Variants in KDM2B observed in about 807,000 individuals in gnomAD.
KDM2B encodes lysine demethylase 2B.
Under a neutral mutation model 150.0 loss-of-function variants are expected in KDM2B, and 26 were observed. The observed-to-expected ratio is 0.17, with a 90% confidence interval of 0.13 to 0.24. The LOEUF (loss-of-function observed/expected upper bound fraction) is 0.24. Among genes scored for constraint, KDM2B ranks in the 10% least tolerant of loss-of-function variants. The pLI, the probability that KDM2B is intolerant of heterozygous loss-of-function variation, is 1.00. For synonymous variants in KDM2B, 734 were observed against 729.5 expected (o/e 1.01, Z -0.10); for missense variants, 1,265 against 1,816.9 (o/e 0.70, Z 5.52).
rs1217147938 is a variant in KDM2B, at chr12:121,520,792, G to A, written c.1047+193C>T. Among the ~76,000 whole-genome samples the A allele has an allele frequency of 2.0e-5, 3 of 152,034 alleles. No individual in the cohort carries two copies. Among genetic ancestry groups the A allele is most frequent in the African/African-American group, 4.8e-5 (2 of 41,382 alleles). ...GGTGAACAGAAACTCCAGGGCCTCC[G>A]GGTGTGGCTCCTACAGGCATTCCCC... is the stretch of plus-strand genomic sequence containing the variant. On this transcript the variant is annotated intron_variant, in intron 9 of 22. Transcript: ENST00000377071. This position sits in a 1 kb window ranked among gnomAD's most constrained non-coding sequence, Gnocchi z 4.5.
chr12:121,580,935 C>G lies in KDM2B; in HGVS notation c.-24G>C, dbSNP rs782083431. On this transcript the variant is annotated 5_prime_UTR_variant, in exon 1 of 23. An upstream open reading frame in the 5' UTR loses its in-frame stop. Coordinates refer to ENST00000377071, the MANE Select transcript of KDM2B (RefSeq NM_032590.5). ...ATGTGGAGGAGGCATTTGGGGGGCT[C>G]AGAAGGAAATTAGCTCGGCTTCCAT... 2 of 1,610,978 alleles carry G rather than the reference C, an allele frequency of 1.2e-6. No homozygotes were observed. The highest frequency in any genetic ancestry group is 8.5e-7 in the Non-Finnish European group (1 of 1,178,940).
chr12:121,495,640 C>T (rs142521858), intron 11 of KDM2B, among the ~76,000 whole-genome samples: 1 of 152,150 alleles, frequency 6.6e-6, no homozygotes, highest in Admixed American at 6.6e-5. Context: ...GGCGGTGGCA[C>T]TACGGATCCT....
chr12:121,555,038 T>G (rs1889793733), intron 4 of KDM2B, among the ~76,000 whole-genome samples: 1 of 152,192 alleles, frequency 6.6e-6, no homozygotes, highest in African/African-American at 2.4e-5. Context: ...ATTTAAAAAT[T>G]ATCTGTGCAT....
chr12:121,570,573 C>T (rs986221844), intron 4 of KDM2B, among the ~76,000 whole-genome samples: 2 of 152,196 alleles, frequency 1.3e-5, no homozygotes. Flanking sequence ...TTTCATCCTC[C>T]ACACAGACAC....
chr12:121,538,027 C>T (rs1280686324), intron 6 of KDM2B, among the ~76,000 whole-genome samples: 1 of 150,922 alleles, frequency 6.6e-6, no homozygotes, highest in Non-Finnish European at 1.5e-5. Context: ...GCGAGCCGAG[C>T]CCCCTCCACG....
Position 121,533,044 on chromosome 12 carries a change from G to A in KDM2B, c.778-85C>T. 4 of 1,388,930 alleles carry A rather than the reference G, an allele frequency of 2.9e-6. No individual in the cohort carries two copies. Among genetic ancestry groups the A allele is most frequent in the Non-Finnish European group, 3.0e-6 (3 of 997,324 alleles). The allele number at this position is 1,388,930 out of a possible 1,614,324, so 86.0% of individuals were successfully genotyped here. ...GGGCCCCACCTGCCTGGCGGAAGGG[G>A]AGGGGGCGAGACAAGCTGTGTGTGG... On this transcript the variant is annotated intron_variant, in intron 7 of 22. Coordinates refer to ENST00000377071, the MANE Select transcript of KDM2B (RefSeq NM_032590.5). This position sits in a 1 kb window ranked among gnomAD's most constrained non-coding sequence, Gnocchi z 4.1.
At chr12:121,450,675 T>C (rs1877098935) in intron 13 of KDM2B, among the ~76,000 whole-genome samples, 2 of 152,046 alleles carry the variant, frequency 1.3e-5, no homozygotes, top group African/African-American at 2.4e-5. Flanking sequence ...CTAGCCAACA[T>C]GGTGAAACCC....
At chr12:121,552,167 G>A (rs1019938462) in intron 4 of KDM2B, among the ~76,000 whole-genome samples, 1 of 152,128 alleles carries the variant, frequency 6.6e-6, no homozygotes, top group Non-Finnish European at 1.5e-5. Context: ...CTTGTGTTAG[G>A]TTCATCGTGG....
intron 14 of KDM2B, 192 bp from the exon 15 acceptor site, chr12:121,444,728 G>A: frequency 1.6e-6 from 1 of 614,172 alleles, no homozygotes; most frequent in South Asian, 1.8e-5. Flanking sequence ...CCAGGCCAGG[G>A]TTCAGAGGCT....
intron 8 of KDM2B, among the ~76,000 whole-genome samples, chr12:121,525,876 TC>T (rs1373646267): frequency 1.3e-5 from 2 of 152,174 alleles, no homozygotes; most frequent in African/African-American, 2.4e-5. Flanking sequence ...AAGTCACAGA[TC>T]CCTGGGTCTT....
At chr12:121,436,727 T>C (rs1284946190) in intron 22 of KDM2B, among the ~76,000 whole-genome samples, 2 of 152,214 alleles carry the variant, frequency 1.3e-5, no homozygotes, top group African/African-American at 2.4e-5. Flanking sequence ...CTTCTGTGAG[T>C]GTTCAGCATG....
chr12:121,539,348 A>G (rs1888415157), intron 6 of KDM2B, among the ~76,000 whole-genome samples: 2 of 151,172 alleles, frequency 1.3e-5, no homozygotes, highest in Admixed American at 1.3e-4. Context: ...AAAAAAAAAA[A>G]AAAAAAAGAA....
intron 6 of KDM2B, among the ~76,000 whole-genome samples, chr12:121,548,543 G>A (rs1362733695): frequency 6.6e-6 from 1 of 152,178 alleles, no homozygotes; most frequent in Non-Finnish European, 1.5e-5. Context: ...TCTCATGGAG[G>A]GAGTGCACAA....
At chr12:121,504,842 C>T (rs925884597) in intron 11 of KDM2B, among the ~76,000 whole-genome samples, 1 of 151,872 alleles carries the variant, frequency 6.6e-6, no homozygotes, top group Non-Finnish European at 1.5e-5. Flanking sequence ...AGCCACCGAG[C>T]GCGGTGGCTC....
At chr12:121,415,201 A>C in the KDM2B span, 1 of 216,122 alleles carries the variant, frequency 4.6e-6, no homozygotes, top group South Asian at 5.4e-5. Flanking sequence ...GGTACAAAAA[A>C]ATCTAGAGAG....
intron 12 of KDM2B, among the ~76,000 whole-genome samples, chr12:121,490,430 C>T (rs1883223711): frequency 6.6e-6 from 1 of 152,162 alleles, no homozygotes; most frequent in South Asian, 2.1e-4. Flanking sequence ...TGGCAGGGTC[C>T]ACAGGCTGGC....
chr12:121,440,786 C>T (rs1280973849), intron 21 of KDM2B, 30 bp downstream of exon 21: 3 of 1,580,700 alleles, frequency 1.9e-6, no homozygotes, highest in Non-Finnish European at 2.6e-6. Context: ...TCACCCCACC[C>T]CCACAGAAAC....
chr12:121,536,488 G>A (rs1888109740), intron 6 of KDM2B, among the ~76,000 whole-genome samples: 1 of 152,180 alleles, frequency 6.6e-6, no homozygotes. Flanking sequence ...TAGGCCGGCT[G>A]GGCCCAGCGG....
At chr12:121,465,916 TAA>T (rs1566300199) in intron 12 of KDM2B, among the ~76,000 whole-genome samples, 4 of 152,116 alleles carry the variant, frequency 2.6e-5, no homozygotes, top group African/African-American at 9.7e-5. Flanking sequence ...ACTGACTTAA[TAA>T]AAGTTCAAGC....
Sources: gnomAD v4.1 joint callset for allele counts (sites outside exome capture counted in the v4.1 genomes callset) on GRCh38, gnomAD v4.1.1 for gene constraint, Gnocchi (gnomAD v3.1) non-coding constraint, MANE v1.5 for transcripts, NCBI Gene and HGNC (gene_info 2026-07-23, HGNC 2026-07-21) for gene names.